ITFG2: variants seen among roughly 807,000 people sequenced by gnomAD.
ITFG2 encodes integrin alpha FG-GAP repeat containing 2, also known as KICSTOR complex protein ITFG2.
In ITFG2, 36 loss-of-function variants were observed where a neutral mutation model predicts 54.4. That is an observed-to-expected ratio of 0.66 (90% CI 0.51 to 0.87). ITFG2 has a LOEUF of 0.87. ITFG2 is among the 40% of genes least tolerant of loss of function. The pLI is 0.00. For missense variants in ITFG2, 524 were observed against 576.7 expected, an observed-to-expected ratio of 0.91 and a Z score of 0.94; for synonymous variants, 211 against 225.4, an observed-to-expected ratio of 0.94 and a Z score of 0.57.
rs28919875 is a variant in ITFG2, at chr12:2,857,370, G to A, written n.301-642G>A. ...GGCCCTTCCTGCCCTAATGTTCAGG[G>A]GGCCCTACCCCTCGTGAGCTTGTCT... On this transcript the variant is annotated intron_variant and non_coding_transcript_variant, in intron 2 of 3. Transcript: ENST00000537710. 771 of 370,916 alleles carry A rather than the reference G, an allele frequency of 2.1e-3. 5 individuals carry two copies. The highest frequency in any genetic ancestry group is 0.015 in the African/African-American group (718 of 48,786). 23.0% of individuals were successfully genotyped at this position (370,916 alleles called of 1,614,324 possible).
intron 2 of ITFG2, chr12:2,857,391 T>C (rs767783756): frequency 6.4e-6 from 2 of 310,434 alleles, no homozygotes; most frequent in Non-Finnish European, 1.2e-5. Flanking sequence ...CTCGTGAGCT[T>C]GTCTTATTAA....
intron 2 of ITFG2, among the ~76,000 whole-genome samples, chr12:2,850,286 C>A (rs532765620): frequency 6.6e-6 from 1 of 151,872 alleles, no homozygotes; most frequent in African/African-American, 2.4e-5. Context: ...CCAGCCTGGC[C>A]GACATGATGA....
chr12:2,851,413 G>A (rs932359048), intron 2 of ITFG2, among the ~76,000 whole-genome samples: 2 of 152,120 alleles, frequency 1.3e-5, no homozygotes, highest in Non-Finnish European at 2.9e-5. Flanking sequence ...CATGATCTTG[G>A]CTCACTGCAA....
At chr12:2,822,141 C>T (rs541405098) in intron 9 of ITFG2, among the ~76,000 whole-genome samples, 14 of 152,084 alleles carry the variant, frequency 9.2e-5, no homozygotes, top group African/African-American at 3.1e-4. Flanking sequence ...TATATGGTTT[C>T]AAACTCCTGG....
At chr12:2,827,765 A>G, downstream of ITFG2, 7 of 1,609,270 alleles carry the variant, frequency 4.3e-6, no homozygotes, top group Admixed American at 8.4e-5. The surrounding 1 kb of genome is among the most constrained non-coding windows in gnomAD (Gnocchi z 4.0). Flanking sequence ...TTCTCTGCCC[A>G]CCCCATCCCC....
chr12:2,835,881 G>A (rs944477987), upstream of ITFG2, among the ~76,000 whole-genome samples: 7 of 152,132 alleles, frequency 4.6e-5, no homozygotes, highest in African/African-American at 1.7e-4. Flanking sequence ...CCTACTCACT[G>A]TATTTATTCT....
chr12:2,817,811 T>C (rs2097926700), intron 2 of ITFG2, 98 bp from the exon 3 acceptor site: 2 of 1,107,418 alleles, frequency 1.8e-6, no homozygotes, highest in African/African-American at 1.6e-5. Flanking sequence ...CAGTGAGCGA[T>C]GGTGATTAGA....
downstream of ITFG2, among the ~76,000 whole-genome samples, chr12:2,829,766 C>T (rs1565428587): frequency 1.3e-5 from 2 of 150,760 alleles, no homozygotes; most frequent in Non-Finnish European, 2.9e-5. Context: ...GAATCTGTCT[C>T]TAAAAAATAA....
intron 2 of ITFG2, among the ~76,000 whole-genome samples, chr12:2,856,329 C>G (rs902064646): frequency 6.6e-6 from 1 of 152,102 alleles, no homozygotes; most frequent in Non-Finnish European, 1.5e-5. Flanking sequence ...AAAAATGTGC[C>G]TCTTTTAAAA....
chr12:2,830,639 A>G (rs2097996643), intron 2 of ITFG2: 3 of 1,506,224 alleles, frequency 2.0e-6, no homozygotes, highest in South Asian at 2.6e-5. Flanking sequence ...GGCAGAGCAG[A>G]AAGGAGAGCA....
intron 9 of ITFG2, 88 bp from the exon 10 acceptor site, chr12:2,822,706 G>A (rs1034977446): frequency 1.3e-5 from 15 of 1,126,102 alleles, no homozygotes; most frequent in Admixed American, 1.3e-4. Context: ...CCGAACCCAC[G>A]GGTGAAATTC....
chr12:2,843,548 C>T (rs1056069364), intron 2 of ITFG2, among the ~76,000 whole-genome samples: 1 of 152,194 alleles, frequency 6.6e-6, no homozygotes, highest in Non-Finnish European at 1.5e-5. Flanking sequence ...CATGGTGGCT[C>T]ATGCCTGTAA....
At chr12:2,827,913 AG>A (rs765454063), downstream of ITFG2, 1 of 1,613,784 alleles carries the variant, frequency 6.2e-7, no homozygotes, top group African/African-American at 1.3e-5. The surrounding 1 kb of genome is among the most constrained non-coding windows in gnomAD (Gnocchi z 4.0). Flanking sequence ...CTGTTGCAGA[AG>A]GGGGGACTTA....
At chr12:2,821,818 A>G in intron 9 of ITFG2, 26 bp downstream of exon 9, 1 of 1,553,852 alleles carries the variant, frequency 6.4e-7, no homozygotes, top group Non-Finnish European at 8.9e-7. Context: ...GGCAGAGCAG[A>G]GCATTCCTGC....
Position 2,821,254 on chromosome 12 carries a change from G to A in ITFG2, c.696-8G>A. 6.2e-7 allele frequency: 1 copy of A among 1,600,086 alleles called. No individual in the cohort carries two copies. The highest frequency in any genetic ancestry group is 2.2e-5 in the East Asian group (1 of 44,476). The stretch of plus-strand genomic sequence containing the variant: ...CTCCCGCTTGATCCGTCCACCTGCT[G>A]TGCACAGGGAGACCCCAGCTGCCCG... On this transcript the variant is annotated splice_polypyrimidine_tract_variant and splice_region_variant and intron_variant, in intron 6 of 11. Transcript: ENST00000228799.
chr12:2,849,664 C>G, intron 2 of ITFG2: 4 of 945,956 alleles, frequency 4.2e-6, no homozygotes, highest in African/African-American at 1.6e-5. Context: ...CCTTCTGTCT[C>G]TCCACCTAAT....
Position 2,823,860 on chromosome 12 carries a change from T to C in ITFG2, c.1157T>C (p.Leu386Pro). 5 of 1,613,350 alleles carry C rather than the reference T, an allele frequency of 3.1e-6. No homozygotes were observed. Among genetic ancestry groups the C allele is most frequent in the Non-Finnish European group, 4.2e-6 (5 of 1,179,558 alleles). Residue 386 changes from leucine (L) to proline (P), a missense_variant, in exon 11 of 12, where the codon CTG becomes CCG. Leu to Pro is a moderately conservative substitution (Grantham distance 98). Transcript: ENST00000228799. ...ATCTATGTGTACTGGGAGGTGCAGC[T>C]GGAGCGGATGGAGTCTACCAATCTG... ...QKIYVYWEVQLERMESTNLVK... is the reference protein window; with the variant it reads ...QKIYVYWEVQPERMESTNLVK...
chr12:2,856,710 G>A (rs2098088475), intron 2 of ITFG2, among the ~76,000 whole-genome samples: 1 of 152,202 alleles, frequency 6.6e-6, no homozygotes, highest in Non-Finnish European at 1.5e-5. Flanking sequence ...TTGAGCTTGG[G>A]CCCCTAAGTC....
At chr12:2,817,067 C>T (rs536228103) in intron 1 of ITFG2, among the ~76,000 whole-genome samples, 156 bp from the exon 2 acceptor site, 6 of 152,298 alleles carry the variant, frequency 3.9e-5, no homozygotes, top group East Asian at 1.9e-4. Context: ...AGTGGGATTA[C>T]AAGTGTGAGT....
Sources: allele counts gnomAD v4.1 joint callset (sites outside exome capture counted in the v4.1 genomes callset), GRCh38; gene constraint gnomAD v4.1.1; non-coding constraint Gnocchi (gnomAD v3.1); transcripts MANE v1.5; gene names NCBI Gene and HGNC (gene_info 2026-07-23, HGNC 2026-07-21).